CREB5: variants seen among roughly 807,000 people sequenced by gnomAD.
CREB5 encodes the protein cAMP responsive element binding protein 5.
Under a neutral mutation model 57.1 loss-of-function variants are expected in CREB5, and 19 were observed. That is an observed-to-expected ratio of 0.33 (90% CI 0.23 to 0.49). The LOEUF (loss-of-function observed/expected upper bound fraction) is 0.49, where lower values mean the gene tolerates loss of function less well. CREB5 is among the 20% of genes least tolerant of loss of function. CREB5 has a pLI of 0.99. For synonymous variants in CREB5, 238 were observed against 238.3 expected, an observed-to-expected ratio of 1.00 and a Z score of 0.01; for missense variants, 579 against 671.6, an observed-to-expected ratio of 0.86 and a Z score of 1.52.
chr7:28,528,217 G>C (rs142184616), intron 4 of CREB5, among the ~76,000 whole-genome samples: 1 of 152,170 alleles, frequency 6.6e-6, no homozygotes, highest in African/African-American at 2.4e-5. Flanking sequence ...GGGGCCCATC[G>C]CTTCTACCTG....
intron 1 of CREB5, among the ~76,000 whole-genome samples, chr7:28,310,106 A>T (rs1483287554): frequency 6.6e-6 from 1 of 152,152 alleles, no homozygotes; most frequent in African/African-American, 2.4e-5. Context: ...CAGACGCCCA[A>T]AGTGCAGTAT....
At chr7:28,685,691 A>AT (rs1296067296) in intron 5 of CREB5, among the ~76,000 whole-genome samples, 35 of 88,610 alleles carry the variant, frequency 3.9e-4, no homozygotes, top group East Asian at 1.3e-3. Context: ...TTTAACCAGT[A>AT]TTTTTTTTTT....
chr7:28,761,935 C>T (rs534187098), intron 7 of CREB5, among the ~76,000 whole-genome samples: 14 of 151,886 alleles, frequency 9.2e-5, no homozygotes, highest in South Asian at 6.3e-4. Context: ...GAAATGAGTT[C>T]GCAACATAAA....
chr7:28,437,366 GGGAGC>G (rs749156172), intron 1 of CREB5, among the ~76,000 whole-genome samples: 8,461 of 152,162 alleles, frequency 0.056, 418 homozygotes, highest in East Asian at 0.21. Context: ...TCTCTGTCAT[GGGAGC>G]CTCCTTTCTT....
intron 1 of CREB5, among the ~76,000 whole-genome samples, chr7:28,353,676 T>G (rs189237198): frequency 5.9e-4 from 90 of 151,948 alleles, no homozygotes; most frequent in Middle Eastern, 3.4e-3. Flanking sequence ...ACCCCGTCTC[T>G]ACTAAAAATA....
intron 1 of CREB5, among the ~76,000 whole-genome samples, chr7:28,323,514 A>G (rs759225938): frequency 6.6e-6 from 1 of 152,094 alleles, no homozygotes; most frequent in Admixed American, 6.5e-5. Context: ...GTCATAAACA[A>G]AGTGCCCCTT....
chr7:28,716,478 G>T (rs532833152), intron 5 of CREB5, among the ~76,000 whole-genome samples: 154 of 152,300 alleles, frequency 1.0e-3, no homozygotes, highest in South Asian at 2.9e-3. Context: ...TAGCTGTATT[G>T]TGTACATCTA....
intron 7 of CREB5, among the ~76,000 whole-genome samples, chr7:28,761,724 A>ATGTGTGTG (rs3831526): frequency 8.2e-5 from 12 of 146,150 alleles, no homozygotes; most frequent in African/African-American, 2.3e-4. Flanking sequence ...GATGTGAGGG[A>ATGTGTGTG]TGTGTGTGTG....
intron 1 of CREB5, among the ~76,000 whole-genome samples, chr7:28,310,217 G>A (rs1204461382): frequency 6.6e-6 from 1 of 152,196 alleles, no homozygotes; most frequent in Admixed American, 6.5e-5. Context: ...AGGCTGCAGA[G>A]AATAGGGAGA....
chr7:28,697,374 T>C (rs1477422146), intron 5 of CREB5, among the ~76,000 whole-genome samples: 1 of 152,130 alleles, frequency 6.6e-6, no homozygotes, highest in African/African-American at 2.4e-5. Context: ...TGTGTCCTCA[T>C]ATAAAATTAA....
At chr7:28,427,984 A>G (rs1229867072) in intron 1 of CREB5, among the ~76,000 whole-genome samples, 1 of 152,246 alleles carries the variant, frequency 6.6e-6, no homozygotes, top group African/African-American at 2.4e-5. Flanking sequence ...AGTAAGTGCT[A>G]AAAAGAAAGA....
At chr7:28,576,112 G>A (rs1237429855) in intron 5 of CREB5, among the ~76,000 whole-genome samples, 1 of 152,164 alleles carries the variant, frequency 6.6e-6, no homozygotes, top group Non-Finnish European at 1.5e-5. Context: ...CTTCAGGCAA[G>A]CATTGTGTCT....
chr7:28,668,821 A>G (rs1252694745), intron 5 of CREB5, among the ~76,000 whole-genome samples: 1 of 152,172 alleles, frequency 6.6e-6, no homozygotes, highest in East Asian at 1.9e-4. Flanking sequence ...CCGGTGAGTG[A>G]GAGTGTGAAG....
intron 5 of CREB5, among the ~76,000 whole-genome samples, chr7:28,709,090 G>A (rs574126978): frequency 5.9e-5 from 9 of 152,206 alleles, no homozygotes; most frequent in South Asian, 2.1e-4. Context: ...TTTGAGTTGC[G>A]TTCAAAATCA....
At chr7:28,393,155 C>T (rs1356149412) in intron 1 of CREB5, among the ~76,000 whole-genome samples, 10 of 152,088 alleles carry the variant, frequency 6.6e-5, no homozygotes, top group Non-Finnish European at 1.2e-4. Flanking sequence ...TTGAACTCCT[C>T]ACCTCAGGTG....
At chr7:28,797,586 C>G (rs1489569195) in intron 7 of CREB5, among the ~76,000 whole-genome samples, 1 of 152,104 alleles carries the variant, frequency 6.6e-6, no homozygotes, top group Non-Finnish European at 1.5e-5. Context: ...GCTGAGTTAC[C>G]TTATGAAAGT....
At chr7:28,800,318 C>T (rs781138808) in intron 7 of CREB5, among the ~76,000 whole-genome samples, 4 of 151,446 alleles carry the variant, frequency 2.6e-5, no homozygotes, top group African/African-American at 7.3e-5. Context: ...TTGTGAAACG[C>T]GAAGGCCCCA....
At chr7:28,437,338 T>A (rs1789000691) in intron 1 of CREB5, among the ~76,000 whole-genome samples, 1 of 152,150 alleles carries the variant, frequency 6.6e-6, no homozygotes, top group African/African-American at 2.4e-5. Context: ...GTTATTAAGT[T>A]GCAGAGCCAG....
intron 5 of CREB5, among the ~76,000 whole-genome samples, chr7:28,655,457 A>C (rs1226821602): frequency 1.3e-5 from 2 of 152,040 alleles, no homozygotes; most frequent in African/African-American, 4.8e-5. Context: ...AAATAAATTT[A>C]AAAATTAGCC....
Sources: allele counts gnomAD v4.1 joint callset (sites outside exome capture counted in the v4.1 genomes callset), GRCh38; gene constraint gnomAD v4.1.1; transcripts MANE v1.5; gene names NCBI Gene and HGNC (gene_info 2026-07-23, HGNC 2026-07-21).